The following DNAH10 variants were observed in gnomAD, a reference collection of about 807,000 sequenced individuals.
The protein encoded by DNAH10 is dynein axonemal heavy chain 10.
Under a neutral mutation model 506.6 loss-of-function variants are expected in DNAH10, and 348 were observed. The ratio of observed to expected loss-of-function variants is 0.69; its 90% CI spans 0.63 to 0.75. DNAH10 has a LOEUF of 0.75. Ranked by LOEUF, DNAH10 falls within the 30% of genes least tolerant of loss-of-function variation. DNAH10 has a pLI of 0.00. For missense variants in DNAH10, 5,179 were observed against 5,787.1 expected (o/e 0.89, Z 3.41); for synonymous variants, 2,059 against 2,198.6 (o/e 0.94, Z 1.78).
At chr12:123,780,428 A>G (rs1957603685) in intron 5 of DNAH10, among the ~76,000 whole-genome samples, 1 of 150,894 alleles carries the variant, frequency 6.6e-6, no homozygotes, top group Non-Finnish European at 1.5e-5. Context: ...GGCCTCCCAA[A>G]GTGCTGGGAT....
At chr12:123,766,087 CATCT>C (rs139745780) in intron 1 of DNAH10, among the ~76,000 whole-genome samples, 23,573 of 149,788 alleles carry the variant, frequency 0.16, 3,571 homozygotes, top group African/African-American at 0.4. Context: ...TCTATCTATA[CATCT>C]ATCTATCTAT....
In DNAH10 at chr12:123,931,794, C is replaced by A; in HGVS notation, c.13075C>A (p.Arg4359Ser). 6.2e-7 allele frequency: 1 copy of A among 1,614,032 alleles called. No homozygotes were observed. Among genetic ancestry groups the A allele is most frequent in the Non-Finnish European group, 8.5e-7 (1 of 1,179,900 alleles). The change falls in exon 75 of 79, where the codon CGC (arginine) becomes AGC (serine). Residue 4359 changes from arginine to serine, a missense_variant. Arg to Ser is a moderately radical substitution (Grantham distance 110, BLOSUM62 -1). Transcript: ENST00000673944. Reference sequence around the variant, plus strand: ...GGTGGTGCTCCTGCAGGAACTGGAACGCTTCAACAAGCTTGTGGTCCGGAT... The same window carrying A: ...GGTGGTGCTCCTGCAGGAACTGGAAAGCTTCAACAAGCTTGTGGTCCGGAT... ...TSVVLLQELERFNKLVVRMTK... is the reference protein window; with the variant it reads ...TSVVLLQELESFNKLVVRMTK...
At chr12:123,897,106 T>TG (rs757408363) in intron 54 of DNAH10, among the ~76,000 whole-genome samples, 9 of 152,332 alleles carry the variant, frequency 5.9e-5, no homozygotes, top group Non-Finnish European at 1.0e-4. Context: ...ATGCAATGTT[T>TG]GTCCTTTGGT....
intron 9 of DNAH10, among the ~76,000 whole-genome samples, chr12:123,786,574 G>C (rs1957860457): frequency 7.9e-6 from 1 of 126,862 alleles, no homozygotes; most frequent in South Asian, 2.6e-4. Flanking sequence ...ATGTTTTCAA[G>C]GTTCATCCAC....
chr12:123,859,070 G>A (rs1340816354), intron 37 of DNAH10, 80 bp from the exon 38 acceptor site: 2 of 1,274,754 alleles, frequency 1.6e-6, no homozygotes, highest in Non-Finnish European at 2.2e-6. Context: ...TAAATTGTAT[G>A]GCGTGTGTGT....
At position 123,826,777 on chromosome 12, in the gene DNAH10, A is replaced by G. The variant is rs770391203; in HGVS notation, c.4270A>G (p.Arg1424Gly). The change falls in exon 25 of 79, where the codon AGA (arginine) becomes GGA (glycine). Residue 1424 changes from arginine to glycine, a missense_variant. Physicochemically the swap from Arg to Gly is moderately radical, Grantham distance 125. Around this residue, in one of 3 missense-constraint regions of DNAH10, gnomAD observed 4,844 missense variants for 5,430.5 expected, o/e 0.89. Coordinates refer to ENST00000673944, the MANE Select transcript of DNAH10 (RefSeq NM_001372106.1). ...EGIEGFLRALRKLPRPVRGLS... is the reference protein window; with the variant it reads ...EGIEGFLRALGKLPRPVRGLS... The stretch of plus-strand genomic sequence containing the variant: ...AATTGAAGGTTTTCTCAGGGCTCTC[A>G]GAAAGCTACCTCGGCCAGTCCGTGG... 3.1e-6 allele frequency: 5 copies of G among 1,613,866 alleles called. No homozygotes were observed. The Admixed American group carries it at 8.3e-5, about 27-fold the overall frequency.
Position 123,808,792 on chromosome 12 carries a change from C to G in DNAH10, c.2988-5C>G, listed in dbSNP as rs751418956. 6.2e-7 allele frequency: 1 copy of G among 1,614,024 alleles called. No homozygotes were observed. Among genetic ancestry groups the G allele is most frequent in the African/African-American group, 1.3e-5 (1 of 75,018 alleles). Reference sequence around the variant, plus strand: ...CTCTGAGTCTTTCTCATCAACCCCTCTTAGGAACTTGCAGTCTTTTAATTC... The same window carrying G: ...CTCTGAGTCTTTCTCATCAACCCCTGTTAGGAACTTGCAGTCTTTTAATTC... On this transcript the variant is annotated splice_polypyrimidine_tract_variant and splice_region_variant and intron_variant, in intron 18 of 78. Coordinates refer to ENST00000673944, the MANE Select transcript of DNAH10 (RefSeq NM_001372106.1).
chr12:123,766,602 G>A (rs1366753554), intron 1 of DNAH10, among the ~76,000 whole-genome samples: 2 of 152,068 alleles, frequency 1.3e-5, no homozygotes, highest in Admixed American at 6.6e-5. Context: ...TACAAACAAT[G>A]GAATAATGTC....
At chr12:123,819,366 T>G in intron 23 of DNAH10, 116 bp downstream of exon 23, 1 of 768,072 alleles carries the variant, frequency 1.3e-6, no homozygotes, top group South Asian at 1.9e-5. Context: ...TATTTATTTC[T>G]TCCTCAAATA....
chr12:123,931,782 CA>C lies in DNAH10; in HGVS notation c.13064del (p.Gln4355ArgfsTer13), dbSNP rs1955223019. Reference sequence around the variant, plus strand: ...CTCCCCCACTTCGGTGGTGCTCCTGCAGGAACTGGAACGCTTCAACAAGCTT... The same window carrying C: ...CTCCCCCACTTCGGTGGTGCTCCTGCGGAACTGGAACGCTTCAACAAGCTT... Reference protein sequence around the residue: ...GLSPTSVVLLQELERFNKLVV... With the variant: ...GLSPTSVVLLXELERFNKLVV... On this transcript the variant is annotated frameshift_variant, in exon 75 of 79. Coordinates refer to ENST00000673944, the MANE Select transcript of DNAH10 (RefSeq NM_001372106.1). LOFTEE classifies it high-confidence loss of function. 1 of 1,613,922 alleles carries C rather than the reference CA, an allele frequency of 6.2e-7. No individual in the cohort carries two copies. The highest frequency in any genetic ancestry group is 1.3e-5 in the African/African-American group (1 of 74,932).
intron 11 of DNAH10, 103 bp downstream of exon 11, chr12:123,790,224 T>A: frequency 8.4e-7 from 1 of 1,196,914 alleles, no homozygotes. Context: ...TTTTTTTAAA[T>A]CACAAGTAAT....
intron 18 of DNAH10, among the ~76,000 whole-genome samples, chr12:123,805,591 G>A (rs1156455721): frequency 6.6e-6 from 1 of 152,100 alleles, no homozygotes; most frequent in African/African-American, 2.4e-5. Flanking sequence ...GGGGTGTGAG[G>A]CTGACAGTTT....
chr12:123,784,718 C>A (rs898876390), intron 8 of DNAH10, among the ~76,000 whole-genome samples: 1 of 152,172 alleles, frequency 6.6e-6, no homozygotes, highest in African/African-American at 2.4e-5. Context: ...ATTCTGTGTC[C>A]ATTAAACACT....
Position 123,891,386 on chromosome 12 carries a change from C to T in DNAH10, c.8996-1847C>T, listed in dbSNP as rs1280641298. 5.9e-5 allele frequency among the ~76,000 whole-genome samples: 9 copies of T among 152,140 alleles called. No individual in the cohort carries two copies. In the South Asian group the frequency reaches 6.2e-4, roughly 11 times the overall value. On this transcript the variant is annotated intron_variant, in intron 52 of 78. Coordinates refer to ENST00000673944, the MANE Select transcript of DNAH10 (RefSeq NM_001372106.1). ...GGACTTCAGTATATCTTTTTCAGGG[C>T]GACATGCAACTTCAACCGTAATACA... is the stretch of plus-strand genomic sequence containing the variant.
At chr12:123,851,181 G>A (rs1023659725) in intron 35 of DNAH10, 105 bp downstream of exon 35, 29 of 1,255,928 alleles carry the variant, frequency 2.3e-5, no homozygotes, top group African/African-American at 3.2e-5. Flanking sequence ...TCTTCCAGAC[G>A]GGACCTAGGA....
intron 24 of DNAH10, among the ~76,000 whole-genome samples, chr12:123,825,133 G>T (rs1422324770): frequency 6.6e-6 from 1 of 152,120 alleles, no homozygotes; most frequent in African/African-American, 2.4e-5. Context: ...GGTAGGACTG[G>T]CCAACTGCAC....
In DNAH10 at chr12:123,926,578, A is replaced by G. The variant is rs1451824380; in HGVS notation, c.11922-59A>G. On this transcript the variant is annotated intron_variant, in intron 68 of 78. Coordinates refer to ENST00000673944, the MANE Select transcript of DNAH10 (RefSeq NM_001372106.1). This position sits in a 1 kb window ranked among gnomAD's most constrained non-coding sequence, Gnocchi z 4.1. ...GGAGGCAGCGCTGATCAGACAGACC[A>G]GCCCCTGGTCTGGAGCTGTCCTCGC... 5 of 1,569,716 alleles carry G rather than the reference A, an allele frequency of 3.2e-6. No homozygotes were observed. Among genetic ancestry groups the G allele is most frequent in the Non-Finnish European group, 8.6e-7 (1 of 1,156,862 alleles).
chr12:123,881,663 G>T lies in DNAH10; in HGVS notation c.8673G>T (p.Met2891Ile). 1.3e-6 allele frequency: 2 copies of T among 1,540,738 alleles called. No individual in the cohort carries two copies. The highest frequency in any genetic ancestry group is 2.5e-5 in the East Asian group (1 of 40,464). The change falls in exon 51 of 79, where the codon ATG becomes ATT. Residue 2891 changes from methionine (M) to isoleucine (I), a missense_variant. Coordinates refer to ENST00000673944, the MANE Select transcript of DNAH10 (RefSeq NM_001372106.1). ...AGTATAATGAAAGCAACACCAAAAT[G>T]AACTTGGTTCTCTTCGACGATGCTC... is the stretch of plus-strand genomic sequence containing the variant. ...LEEYNESNTK[M>I]NLVLFDDALE... is the part of the protein sequence containing the mutation.
At chr12:123,803,425 G>A (rs962390436) in intron 16 of DNAH10, among the ~76,000 whole-genome samples, 6 of 152,144 alleles carry the variant, frequency 3.9e-5, no homozygotes, top group Non-Finnish European at 5.9e-5. Context: ...AGCCAGGACC[G>A]TGCTAACATT....
Sources: allele counts gnomAD v4.1 joint callset (sites outside exome capture counted in the v4.1 genomes callset), GRCh38; gene constraint gnomAD v4.1.1; regional missense constraint gnomAD v4.1.1; non-coding constraint Gnocchi (gnomAD v3.1); transcripts MANE v1.5; gene names NCBI Gene and HGNC (gene_info 2026-07-23, HGNC 2026-07-21).